Variants in SLCO3A1 observed in about 807,000 individuals in gnomAD.
The protein encoded by SLCO3A1 is solute carrier organic anion transporter family member 3A1, also known as PGE1 transporter.
SLCO3A1 carries 27 observed loss-of-function variants against 63.1 expected under a neutral mutation model. The observed-to-expected ratio is 0.43, with a 90% confidence interval of 0.32 to 0.59. The LOEUF (loss-of-function observed/expected upper bound fraction) is 0.59, where lower values mean the gene tolerates loss of function less well. SLCO3A1 is among the 20% of genes least tolerant of loss of function. The pLI, the probability that SLCO3A1 is intolerant of heterozygous loss-of-function variation, is 0.09. For synonymous variants in SLCO3A1, 473 were observed against 409.9 expected, an observed-to-expected ratio of 1.15 and a Z score of -1.86; for missense variants, 773 against 945.8, an observed-to-expected ratio of 0.82 and a Z score of 2.40.
chr15:92,019,598 G>A (rs115293616), intron 2 of SLCO3A1, among the ~76,000 whole-genome samples: 1 of 152,216 alleles, frequency 6.6e-6, no homozygotes, highest in South Asian at 2.1e-4. Context: ...ATGGTCAAGA[G>A]TTTGCTGGGT....
At chr15:91,969,430 C>A (rs1300462269) in intron 2 of SLCO3A1, among the ~76,000 whole-genome samples, 1 of 152,024 alleles carries the variant, frequency 6.6e-6, no homozygotes, top group East Asian at 1.9e-4. Flanking sequence ...CTCAGTCTCC[C>A]AAATAGCTTG....
At chr15:92,089,462 T>C (rs961103170) in intron 2 of SLCO3A1, among the ~76,000 whole-genome samples, 3 of 152,146 alleles carry the variant, frequency 2.0e-5, no homozygotes, top group African/African-American at 7.2e-5. Flanking sequence ...ATGTGATAGA[T>C]TTGTGTTTGT....
chr15:91,989,517 G>C (rs1050556007), intron 2 of SLCO3A1, among the ~76,000 whole-genome samples: 1 of 152,170 alleles, frequency 6.6e-6, no homozygotes, highest in Admixed American at 6.5e-5. Context: ...AAATGAATAG[G>C]ATGCAATCAC....
chr15:91,938,832 A>G (rs549270819), intron 2 of SLCO3A1, among the ~76,000 whole-genome samples: 34 of 152,180 alleles, frequency 2.2e-4, no homozygotes, highest in Non-Finnish European at 4.6e-4. Context: ...GGAACATGGT[A>G]AGACTAGGAA....
At position 91,882,056 on chromosome 15, in the gene SLCO3A1, A is replaced by T. The variant is rs1897602370; in HGVS notation, c.180+27968A>T. On this transcript the variant is annotated intron_variant, in intron 1 of 9. Transcript: ENST00000318445. The surrounding 1 kb of genome is among the most constrained non-coding windows in gnomAD (Gnocchi z 4.4). ...TAAAGCAGCCACTGAGACCAATGTT[A>T]TATGGAGGTGGAATATTACTCAAGG... Among the ~76,000 whole-genome samples the T allele has an allele frequency of 6.6e-6, 1 of 152,218 alleles. No individual in the cohort carries two copies. Among genetic ancestry groups the T allele is most frequent in the Admixed American group, 6.5e-5 (1 of 15,280 alleles).
At chr15:92,069,026 T>A (rs183598384) in intron 2 of SLCO3A1, among the ~76,000 whole-genome samples, 1 of 152,048 alleles carries the variant, frequency 6.6e-6, no homozygotes, top group Non-Finnish European at 1.5e-5. Context: ...CAAAGAGAAA[T>A]AAGACCGAGG....
At position 91,886,732 on chromosome 15, in the gene SLCO3A1, C is replaced by T. The variant is rs1315672816; in HGVS notation, c.181-29261C>T. Among the ~76,000 whole-genome samples, 3 of 152,206 alleles carry T rather than the reference C, an allele frequency of 2.0e-5. No individual in the cohort carries two copies. The highest frequency in any genetic ancestry group is 2.9e-5 in the Non-Finnish European group (2 of 68,040). ...CTGAATAATCGAGCTCAACTCCAGA[C>T]AATAATTCAGGGGTACGATGTGATG... On this transcript the variant is annotated intron_variant, in intron 1 of 9. Transcript: ENST00000318445. This position sits in a 1 kb window ranked among gnomAD's most constrained non-coding sequence, Gnocchi z 4.9.
At chr15:92,122,944 A>T (rs1240620590) in intron 5 of SLCO3A1, among the ~76,000 whole-genome samples, 1 of 152,206 alleles carries the variant, frequency 6.6e-6, no homozygotes, top group Non-Finnish European at 1.5e-5. Flanking sequence ...GAGGTGACAG[A>T]GGCCAGAATA....
rs944126722 is a variant in SLCO3A1, at chr15:92,078,826, G to A, written c.647-16055G>A. On this transcript the variant is annotated intron_variant, in intron 2 of 9. Transcript: ENST00000318445. The stretch of plus-strand genomic sequence containing the variant: ...AGTACATGGAATGTGCTAGAACTCA[G>A]CCCTCAGCTCACTAGGCATCAGCAC... Among the ~76,000 whole-genome samples the A allele has an allele frequency of 2.6e-5, 4 of 152,298 alleles. No homozygotes were observed. In the East Asian group the frequency reaches 7.7e-4, roughly 29 times the overall value.
Position 91,942,768 on chromosome 15 carries a change from GC to G in SLCO3A1, c.646+26312del, listed in dbSNP as rs964999100. Among the ~76,000 whole-genome samples, 1 of 152,088 alleles carries G rather than the reference GC, an allele frequency of 6.6e-6. No homozygotes were observed. The highest frequency in any genetic ancestry group is 1.5e-5 in the Non-Finnish European group (1 of 68,016). On this transcript the variant is annotated intron_variant, in intron 2 of 9. Transcript: ENST00000318445. This position sits in a 1 kb window ranked among gnomAD's most constrained non-coding sequence, Gnocchi z 4.1. ...AAAGAGATGGGGTTTCTCCATGTTG[GC>G]CAGCCTGGTCTCAAATTCCTGACCT...
chr15:91,994,001 C>T (rs565235689), intron 2 of SLCO3A1, among the ~76,000 whole-genome samples: 17 of 152,268 alleles, frequency 1.1e-4, no homozygotes, highest in Admixed American at 7.2e-4. Context: ...GGCAAGCCTC[C>T]GGATGACTGT....
chr15:92,008,896 T>C (rs917411975), intron 2 of SLCO3A1, among the ~76,000 whole-genome samples: 99 of 152,328 alleles, frequency 6.5e-4, no homozygotes, highest in African/African-American at 2.3e-3. Flanking sequence ...ACGCCCTGTC[T>C]ACCAAGAAGA....
In SLCO3A1 at chr15:92,097,494, C is replaced by T. The variant is rs756371819; in HGVS notation, c.745+2515C>T. 4.2e-4 allele frequency among the ~76,000 whole-genome samples: 64 copies of T among 152,178 alleles called. 1 individual carries two copies. Among genetic ancestry groups the T allele is most frequent in the Non-Finnish European group, 3.5e-4 (24 of 68,036 alleles). The stretch of plus-strand genomic sequence containing the variant: ...AATGCTGTTCCCATCTTACTGTGTT[C>T]GGCATCTCTGTTTGCCCGTTAAGGC... On this transcript the variant is annotated intron_variant, in intron 3 of 9. Transcript: ENST00000318445.
At chr15:91,890,736 C>T (rs1040622791) in intron 1 of SLCO3A1, among the ~76,000 whole-genome samples, 3 of 152,114 alleles carry the variant, frequency 2.0e-5, no homozygotes, top group Admixed American at 6.5e-5. Context: ...TTATTTTCCC[C>T]AGAGTTTTCT....
Position 92,128,459 on chromosome 15 carries a change from G to A in SLCO3A1, c.1482G>A (p.Leu494=). ...PVCGADGITY[L]SACFAGCNST... ...GTGGGGCAGATGGCATCACCTACCT[G>A]TCTGCCTGCTTTGCTGGCTGCAACA... Residue 494 remains leucine (L), a synonymous_variant, in exon 7 of 10, where the codon CTG becomes CTA. Transcript: ENST00000318445. The A allele has an allele frequency of 1.2e-6, 2 of 1,613,892 alleles. No homozygotes were observed. Among genetic ancestry groups the A allele is most frequent in the South Asian group, 1.1e-5 (1 of 91,026 alleles).
intron 10 of SLCO3A1, chr15:92,171,603 G>A (rs1339371730): frequency 1.7e-6 from 1 of 573,512 alleles, no homozygotes; most frequent in African/African-American, 1.9e-5. Flanking sequence ...TGGGCTCAGA[G>A]TCTGGTCCCT....
chr15:92,041,775 C>T (rs1275127259), intron 2 of SLCO3A1, among the ~76,000 whole-genome samples: 2 of 152,098 alleles, frequency 1.3e-5, no homozygotes, highest in Non-Finnish European at 2.9e-5. Flanking sequence ...ATCTTAGGTA[C>T]AGAAAGGAAT....
At chr15:92,012,159 G>A (rs890383645) in intron 2 of SLCO3A1, among the ~76,000 whole-genome samples, 2 of 152,228 alleles carry the variant, frequency 1.3e-5, no homozygotes. Context: ...AATCAGTGCC[G>A]TTTATTGCAT....
intron 2 of SLCO3A1, among the ~76,000 whole-genome samples, chr15:91,969,692 A>G (rs1475836648): frequency 6.6e-6 from 1 of 152,236 alleles, no homozygotes; most frequent in East Asian, 1.9e-4. Context: ...CTCCATCTAT[A>G]GAATTCCTTT....
Sources: gnomAD v4.1 joint callset for allele counts (sites outside exome capture counted in the v4.1 genomes callset) on GRCh38, gnomAD v4.1.1 for gene constraint, Gnocchi (gnomAD v3.1) non-coding constraint, MANE v1.5 for transcripts, NCBI Gene and HGNC (gene_info 2026-07-23, HGNC 2026-07-21) for gene names.